KLF12: variants seen among roughly 807,000 people sequenced by gnomAD.
KLF12 encodes KLF transcription factor 12.
A neutral mutation model predicts 37.8 loss-of-function variants in KLF12; 9 were observed. The ratio of observed to expected loss-of-function variants is 0.24; its 90% CI spans 0.14 to 0.42. The LOEUF (loss-of-function observed/expected upper bound fraction) is 0.42. KLF12 is among the 10% of genes least tolerant of loss of function. The pLI is 1.00. For missense variants in KLF12, 411 were observed against 516.0 expected (o/e 0.80, Z 1.97); for synonymous variants, 208 against 202.1 (o/e 1.03, Z -0.25).
intron 3 of KLF12, among the ~76,000 whole-genome samples, chr13:73,920,248 TAA>T (rs543709252): frequency 1.4e-3 from 217 of 152,330 alleles, no homozygotes; most frequent in Non-Finnish European, 2.2e-3. Context: ...TGTGTGTATA[TAA>T]GTTTATATCT....
At chr13:74,070,015 G>A (rs1038650070) in intron 1 of KLF12, among the ~76,000 whole-genome samples, 1 of 152,116 alleles carries the variant, frequency 6.6e-6, no homozygotes, top group Non-Finnish European at 1.5e-5. Flanking sequence ...GAGGTGAAGA[G>A]ATCTATTTAA....
At position 74,092,296 on chromosome 13, in the gene KLF12, C is replaced by CAAAAAA. The variant is rs35528942; in HGVS notation, c.-32+41437_-32+41442dup. On this transcript the variant is annotated intron_variant, in intron 1 of 7. Transcript: ENST00000377669. ...TGGGATACAGAGTGAGACTCCGTCTCAAAAAAAAAAAAGAAGAGTTGGACT... is the reference window on the plus strand; with the variant it reads ...TGGGATACAGAGTGAGACTCCGTCTCAAAAAAAAAAAAAAAAAAGAAGAGTTGGACT... 5.0e-3 allele frequency among the ~76,000 whole-genome samples: 689 copies of CAAAAAA among 136,812 alleles called. 11 individuals carry two copies. The highest frequency in any genetic ancestry group is 0.018 in the African/African-American group (644 of 35,080). The allele number at this position is 136,812 out of a possible 152,430, so 89.8% of individuals were successfully genotyped here.
Position 73,898,940 on chromosome 13 carries a change from T to C in KLF12, c.123+45041A>G, listed in dbSNP as rs575458291. Among the ~76,000 whole-genome samples the C allele has an allele frequency of 2.8e-4, 42 of 152,174 alleles. No homozygotes were observed. In the South Asian group the frequency reaches 7.5e-3, roughly 27 times the overall value. On this transcript the variant is annotated intron_variant, in intron 3 of 7. Transcript: ENST00000377669. ...GATTAAGGGACACTGCAGAGGAAGC[T>C]GGCTTGTACCCTACAAAAGTTATCC... is the stretch of plus-strand genomic sequence containing the variant.
intron 6 of KLF12, among the ~76,000 whole-genome samples, chr13:73,746,837 G>A (rs921061799): frequency 3.4e-5 from 4 of 117,998 alleles, no homozygotes; most frequent in Non-Finnish European, 6.7e-5. Context: ...TTTTGAGATG[G>A]AGTCTCTTGC....
intron 3 of KLF12, among the ~76,000 whole-genome samples, chr13:73,926,629 TC>T (rs1264248347): frequency 1.4e-5 from 1 of 69,458 alleles, no homozygotes; most frequent in African/African-American, 3.2e-5. Context: ...TCTCTCTCTC[TC>T]TTTTTTTTTT....
intron 1 of KLF12, among the ~76,000 whole-genome samples, chr13:74,060,255 T>C (rs949179268): frequency 3.3e-5 from 5 of 152,192 alleles, no homozygotes; most frequent in African/African-American, 7.2e-5. Flanking sequence ...CTTTTTTGTT[T>C]TCATATAAAC....
chr13:73,893,474 C>T (rs1887613385), intron 3 of KLF12, among the ~76,000 whole-genome samples: 1 of 150,640 alleles, frequency 6.6e-6, no homozygotes, highest in Non-Finnish European at 1.5e-5. Flanking sequence ...CTCCGCCTCC[C>T]AGGTTCAAGT....
intron 4 of KLF12, among the ~76,000 whole-genome samples, chr13:73,821,590 T>C (rs562773460): frequency 3.9e-5 from 6 of 152,224 alleles, no homozygotes; most frequent in Non-Finnish European, 8.8e-5. Context: ...AGTCCTATTG[T>C]ACAAATTGTC....
rs1873861761 is a variant in KLF12 at position 73,692,181 on chromosome 13, C to G, written c.*3309G>C. On this transcript the variant is annotated 3_prime_UTR_variant, in exon 8 of 8. Coordinates refer to ENST00000377669, the MANE Select transcript of KLF12 (RefSeq NM_007249.5). ...CTAACTGCCTTAATAGAACTTAAGA[C>G]AAGTTATCAAGCAGGCTTCTCAGAG... 1 of 152,066 alleles carries G rather than the reference C, an allele frequency of 6.6e-6. No homozygotes were observed. Among genetic ancestry groups the G allele is most frequent in the Admixed American group, 6.6e-5 (1 of 15,252 alleles). The allele number at this position is 152,066 out of a possible 1,614,324, so 9.4% of individuals were successfully genotyped here.
At chr13:74,076,120 C>A (rs1227455783) in intron 1 of KLF12, among the ~76,000 whole-genome samples, 1 of 152,114 alleles carries the variant, frequency 6.6e-6, no homozygotes, top group East Asian at 1.9e-4. Flanking sequence ...AAGAACTGTA[C>A]ATTTTAAATA....
intron 2 of KLF12, among the ~76,000 whole-genome samples, chr13:73,993,276 C>T (rs1892021845): frequency 6.6e-6 from 1 of 152,172 alleles, no homozygotes; most frequent in Admixed American, 6.5e-5. Context: ...CTCCTTTCTC[C>T]TTAAAGACTT....
chr13:73,911,703 A>C (rs1888576266), intron 3 of KLF12, among the ~76,000 whole-genome samples: 1 of 152,240 alleles, frequency 6.6e-6, no homozygotes, highest in Non-Finnish European at 1.5e-5. Flanking sequence ...GAATGTAATA[A>C]ACACTATGTC....
At chr13:74,158,252 C>G in the KLF12 span, among the ~76,000 whole-genome samples, 1 of 152,158 alleles carries the variant, frequency 6.6e-6, no homozygotes, top group African/African-American at 2.4e-5. Context: ...ACATGTGCGG[C>G]TGCAGGATGT....
chr13:73,840,577 CTCCTT>C (rs1418297206), intron 4 of KLF12, among the ~76,000 whole-genome samples: 4 of 151,986 alleles, frequency 2.6e-5, no homozygotes, highest in Non-Finnish European at 5.9e-5. Flanking sequence ...CTCACTTCCT[CTCCTT>C]CCCTCATATC....
chr13:73,936,636 T>C (rs1889943868), intron 3 of KLF12, among the ~76,000 whole-genome samples: 1 of 152,110 alleles, frequency 6.6e-6, no homozygotes, highest in African/African-American at 2.4e-5. Flanking sequence ...AAACCCTGTC[T>C]GCTTAGCTCA....
the KLF12 span, among the ~76,000 whole-genome samples, chr13:74,188,080 A>G: frequency 6.6e-6 from 1 of 152,142 alleles, no homozygotes; most frequent in South Asian, 2.1e-4. Context: ...TCTTCCTTTG[A>G]GGTATTATAA....
At chr13:73,842,717 A>G (rs546882729) in intron 4 of KLF12, among the ~76,000 whole-genome samples, 13 of 152,316 alleles carry the variant, frequency 8.5e-5, no homozygotes, top group Non-Finnish European at 1.9e-4. Flanking sequence ...TGAAAATCCA[A>G]CTTCCCTATC....
chr13:73,864,200 C>T (rs1229583187), intron 3 of KLF12, among the ~76,000 whole-genome samples: 1 of 151,956 alleles, frequency 6.6e-6, no homozygotes, highest in Non-Finnish European at 1.5e-5. Context: ...TAATTACTCC[C>T]TAATTTTTAA....
chr13:73,979,467 C>T (rs1273098029), intron 2 of KLF12, among the ~76,000 whole-genome samples: 4 of 149,630 alleles, frequency 2.7e-5, no homozygotes, highest in African/African-American at 7.4e-5. Context: ...TTCTCAGCAA[C>T]TAAATTTAGA....
Sources: gnomAD v4.1 joint callset for allele counts (sites outside exome capture counted in the v4.1 genomes callset) on GRCh38, gnomAD v4.1.1 for gene constraint, MANE v1.5 for transcripts, NCBI Gene and HGNC (gene_info 2026-07-23, HGNC 2026-07-21) for gene names.